ZNF618: variants seen among roughly 807,000 people sequenced by gnomAD.
ZNF618 encodes the protein zinc finger protein 618.
Under a neutral mutation model 103.0 loss-of-function variants are expected in ZNF618, and 34 were observed. That is an observed-to-expected ratio of 0.33 (90% CI 0.25 to 0.44). The LOEUF (loss-of-function observed/expected upper bound fraction) is 0.44. Among genes scored for constraint, ZNF618 ranks in the 20% least tolerant of loss-of-function variants. The pLI is 1.00. For missense variants in ZNF618, 1,059 were observed against 1,295.4 expected (o/e 0.82, Z 2.80); for synonymous variants, 551 against 542.2 (o/e 1.02, Z -0.23).
intron 10 of ZNF618, among the ~76,000 whole-genome samples, chr9:114,027,756 C>T (rs1018905829): frequency 7.2e-5 from 11 of 152,128 alleles, no homozygotes; most frequent in African/African-American, 1.4e-4. Flanking sequence ...CCAGGTCCTT[C>T]GCTAGGCAGG....
intron 1 of ZNF618, among the ~76,000 whole-genome samples, chr9:113,885,948 G>GC (rs1829029737): frequency 1.3e-5 from 2 of 152,246 alleles, no homozygotes; most frequent in South Asian, 2.1e-4. Context: ...GTGATGCTTG[G>GC]CCCCCCAGTC....
rs889501258 is a variant in ZNF618 at position 113,884,788 on chromosome 9, G to C, written c.33+8375G>C. On this transcript the variant is annotated intron_variant, in intron 1 of 14. Transcript: ENST00000374126. ...ACACAAACACACAGAGAGAGAGAGA[G>C]AGAGAGAGAGAGAGAGAGAGAGAGA... is the stretch of plus-strand genomic sequence containing the variant. Among the ~76,000 whole-genome samples, 74 of 151,380 alleles carry C rather than the reference G, an allele frequency of 4.9e-4. 2 individuals are homozygous for C. Among genetic ancestry groups the C allele is most frequent in the African/African-American group, 1.4e-3 (58 of 41,090 alleles).
At chr9:113,898,941 T>C (rs1020545384) in intron 1 of ZNF618, among the ~76,000 whole-genome samples, 4 of 152,148 alleles carry the variant, frequency 2.6e-5, no homozygotes, top group African/African-American at 9.7e-5. Context: ...TTAGCTTCTC[T>C]TGGCATTCCC....
intron 1 of ZNF618, among the ~76,000 whole-genome samples, chr9:113,935,790 C>T (rs1167840196): frequency 6.6e-6 from 1 of 152,138 alleles, no homozygotes; most frequent in Non-Finnish European, 1.5e-5. Flanking sequence ...GTACTCAGGA[C>T]CTGCTCGGCG....
chr9:113,982,225 GT>G lies in ZNF618; in HGVS notation c.78-6094del, dbSNP rs545471405. ...GTTGCCTATGGCTGCTTTTGCTCCT[GT>G]TGCTTCACTACAATAGCAGTTTATA... On this transcript the variant is annotated intron_variant, in intron 2 of 14. Coordinates refer to ENST00000374126, the MANE Select transcript of ZNF618 (RefSeq NM_001318042.2). 4.3e-4 allele frequency among the ~76,000 whole-genome samples: 66 copies of G among 152,314 alleles called. No individual in the cohort carries two copies. In the East Asian group the frequency reaches 0.012, roughly 27 times the overall value.
intron 12 of ZNF618, among the ~76,000 whole-genome samples, chr9:114,035,474 T>C (rs1844500963): frequency 6.6e-6 from 1 of 152,212 alleles, no homozygotes; most frequent in Non-Finnish European, 1.5e-5. Context: ...GCCCCAGCCC[T>C]GGCAGGAGCT....
intron 1 of ZNF618, among the ~76,000 whole-genome samples, chr9:113,963,918 T>C (rs1406986163): frequency 6.6e-6 from 1 of 151,632 alleles, no homozygotes; most frequent in African/African-American, 2.4e-5. Context: ...TCCCGTAGAG[T>C]TGGTTGATGT....
chr9:113,879,380 GTT>G (rs1333621442), intron 1 of ZNF618, among the ~76,000 whole-genome samples: 1 of 93,062 alleles, frequency 1.1e-5, no homozygotes, highest in African/African-American at 3.8e-5. Context: ...TTGTAGAACT[GTT>G]TTTTTTTTTT....
intron 1 of ZNF618, among the ~76,000 whole-genome samples, chr9:113,911,382 A>G (rs1831529899): frequency 6.6e-6 from 1 of 151,960 alleles, no homozygotes; most frequent in Non-Finnish European, 1.5e-5. Context: ...AGGCTAGAGT[A>G]CAATGGTGCA....
At position 114,032,652 on chromosome 9, in the gene ZNF618, C is replaced by A. The variant is rs748549868; in HGVS notation, c.1092C>A (p.Ser364Arg). The change falls in exon 12 of 15, where the codon AGC (serine) becomes AGA (arginine). Residue 364 changes from serine (S) to arginine (R), a missense_variant. By Grantham distance (110) the Ser-to-Arg change is moderately radical (BLOSUM62 -1). Around this residue, in one of 6 missense-constraint regions of ZNF618, gnomAD observed 434 missense variants for 476.0 expected, o/e 0.91. Coordinates refer to ENST00000374126, the MANE Select transcript of ZNF618 (RefSeq NM_001318042.2). Reference sequence around the variant, plus strand: ...CTCCTGTCCCCCACCCAGCAGAAAGCGCTTTCAGTCGGAGAGTAGAAGGCA... The same window carrying A: ...CTCCTGTCCCCCACCCAGCAGAAAGAGCTTTCAGTCGGAGAGTAGAAGGCA... ...SPASKATAAESAFSRRVEGKA... is the reference protein window; with the variant it reads ...SPASKATAAERAFSRRVEGKA... 6.2e-7 allele frequency: 1 copy of A among 1,614,000 alleles called. No individual in the cohort carries two copies. Among genetic ancestry groups the A allele is most frequent in the East Asian group, 2.2e-5 (1 of 44,874 alleles).
chr9:113,923,522 A>G (rs571758894), intron 1 of ZNF618, among the ~76,000 whole-genome samples: 32 of 152,252 alleles, frequency 2.1e-4, no homozygotes, highest in African/African-American at 7.5e-4. Flanking sequence ...ATCTTGTTAA[A>G]TGCACATCTA....
chr9:113,967,932 A>C (rs938499962), intron 1 of ZNF618, among the ~76,000 whole-genome samples: 5 of 113,802 alleles, frequency 4.4e-5, no homozygotes, highest in Non-Finnish European at 7.8e-5. Flanking sequence ...GCCTTTTTTC[A>C]GTGCAATTCT....
intron 13 of ZNF618, among the ~76,000 whole-genome samples, chr9:114,042,522 A>T (rs1418700926): frequency 6.6e-6 from 1 of 152,162 alleles, no homozygotes; most frequent in Non-Finnish European, 1.5e-5. Flanking sequence ...GTCTAAAAAA[A>T]TAAAATTAAA....
At chr9:114,015,948 G>A (rs1842609171) in intron 9 of ZNF618, among the ~76,000 whole-genome samples, 1 of 152,256 alleles carries the variant, frequency 6.6e-6, no homozygotes, top group Non-Finnish European at 1.5e-5. Context: ...TGTTATCAGT[G>A]AGAGAAGCGC....
intron 1 of ZNF618, among the ~76,000 whole-genome samples, chr9:113,890,178 T>C (rs1405604405): frequency 6.6e-6 from 1 of 152,178 alleles, no homozygotes; most frequent in Non-Finnish European, 1.5e-5. Context: ...CAAGCGAAAA[T>C]AGTTTTTCTT....
At chr9:114,035,324 CTG>C (rs1231262788) in intron 12 of ZNF618, 2 of 898,598 alleles carry the variant, frequency 2.2e-6, no homozygotes, top group African/African-American at 1.8e-5. Context: ...AGCCTCCAGG[CTG>C]TGTGAGATGG....
intron 5 of ZNF618, among the ~76,000 whole-genome samples, chr9:114,002,339 G>A (rs553122940): frequency 2.0e-5 from 3 of 152,190 alleles, no homozygotes; most frequent in Non-Finnish European, 4.4e-5. Context: ...CTGGCCTCAC[G>A]CCTCCCAGGA....
intron 3 of ZNF618, among the ~76,000 whole-genome samples, chr9:113,992,928 GTC>G (rs1840214280): frequency 6.6e-6 from 1 of 152,234 alleles, no homozygotes; most frequent in Admixed American, 6.5e-5. Context: ...TGAGAAGGGT[GTC>G]TCTCACTCCG....
chr9:113,926,622 TTCTC>T (rs1395538848), intron 1 of ZNF618, among the ~76,000 whole-genome samples: 2 of 152,244 alleles, frequency 1.3e-5, no homozygotes, highest in Admixed American at 6.5e-5. Flanking sequence ...TTTCTTTTGA[TTCTC>T]TCTTAGTTTC....
Sources: gnomAD v4.1 joint callset for allele counts (sites outside exome capture counted in the v4.1 genomes callset) on GRCh38, gnomAD v4.1.1 for gene constraint, gnomAD v4.1.1 regional missense constraint, MANE v1.5 for transcripts, NCBI Gene and HGNC (gene_info 2026-07-23, HGNC 2026-07-21) for gene names.